Variants in IL1RAP observed in about 807,000 individuals in gnomAD.
The protein encoded by IL1RAP is interleukin 1 receptor accessory protein, also known as interleukin-1 receptor accessory protein.
Under a neutral mutation model 60.7 loss-of-function variants are expected in IL1RAP, and 35 were observed. That is an observed-to-expected ratio of 0.58 (90% CI 0.44 to 0.76). The LOEUF is 0.76. Ranked by LOEUF, IL1RAP falls within the 30% of genes least tolerant of loss-of-function variation. The probability of loss-of-function intolerance (pLI) is 0.00; values close to 1 mark genes in which losing one functional copy is unlikely to be tolerated. For missense variants in IL1RAP, 572 were observed against 693.9 expected (o/e 0.82, Z 1.97); for synonymous variants, 268 against 250.9 (o/e 1.07, Z -0.64).
chr3:190,618,294 G>A (rs1731456484), intron 5 of IL1RAP, among the ~76,000 whole-genome samples: 1 of 152,166 alleles, frequency 6.6e-6, no homozygotes. Flanking sequence ...TAAAACGGAG[G>A]TAAAAGCATT....
chr3:190,619,076 A>C (rs915696910), intron 5 of IL1RAP, among the ~76,000 whole-genome samples: 2 of 152,246 alleles, frequency 1.3e-5, no homozygotes, highest in African/African-American at 4.8e-5. Context: ...AAGATGTAAA[A>C]AGCCTTAGAG....
chr3:190,632,609 A>G (rs1732882269), intron 9 of IL1RAP, among the ~76,000 whole-genome samples: 1 of 152,214 alleles, frequency 6.6e-6, no homozygotes, highest in Non-Finnish European at 1.5e-5. Flanking sequence ...CATTTATTGT[A>G]TCAATTTATT....
At chr3:190,605,496 AT>A (rs199684580) in intron 4 of IL1RAP, among the ~76,000 whole-genome samples, 4 of 151,300 alleles carry the variant, frequency 2.6e-5, no homozygotes, top group East Asian at 1.9e-4. Flanking sequence ...CATCCGGGTT[AT>A]TTTTTTTTCT....
chr3:190,537,756 A>G (rs1033135313), intron 1 of IL1RAP, among the ~76,000 whole-genome samples: 2 of 152,158 alleles, frequency 1.3e-5, no homozygotes, highest in African/African-American at 2.4e-5. Flanking sequence ...AAATGTGCCT[A>G]TCTTTTTGGC....
intron 3 of IL1RAP, among the ~76,000 whole-genome samples, chr3:190,600,922 T>C (rs1277704600): frequency 6.6e-6 from 1 of 152,222 alleles, no homozygotes; most frequent in Non-Finnish European, 1.5e-5. Flanking sequence ...TTGGTATCAC[T>C]ATTGTCTTTT....
At chr3:190,584,572 G>C (rs1057343621) in intron 3 of IL1RAP, among the ~76,000 whole-genome samples, 4 of 152,160 alleles carry the variant, frequency 2.6e-5, no homozygotes, top group Non-Finnish European at 5.9e-5. Flanking sequence ...TAGTTTTACA[G>C]TAGTATCTTG....
intron 9 of IL1RAP, among the ~76,000 whole-genome samples, chr3:190,635,961 C>G (rs1464405525): frequency 6.6e-6 from 1 of 152,192 alleles, no homozygotes; most frequent in East Asian, 1.9e-4. Flanking sequence ...GTTCAATTTC[C>G]AGGGTATCTG....
At chr3:190,604,472 G>A (rs1203067511) in intron 4 of IL1RAP, 59 bp downstream of exon 4, 13 of 1,543,436 alleles carry the variant, frequency 8.4e-6, no homozygotes, top group African/African-American at 5.5e-5. Flanking sequence ...GCTCTTTTCC[G>A]GATGATCCGT....
intron 3 of IL1RAP, among the ~76,000 whole-genome samples, chr3:190,584,547 T>C (rs941471826): frequency 6.6e-6 from 1 of 152,268 alleles, no homozygotes; most frequent in African/African-American, 2.4e-5. Flanking sequence ...TTTTTTAAAA[T>C]GCTAACCATT....
chr3:190,620,990 G>A (rs971817367), intron 6 of IL1RAP, among the ~76,000 whole-genome samples: 4 of 152,120 alleles, frequency 2.6e-5, no homozygotes, highest in Non-Finnish European at 5.9e-5. Context: ...AAGAGAATAG[G>A]GGGTGAGAAA....
intron 9 of IL1RAP, among the ~76,000 whole-genome samples, chr3:190,631,595 A>G (rs902724721): frequency 6.6e-6 from 1 of 152,204 alleles, no homozygotes; most frequent in Non-Finnish European, 1.5e-5. Flanking sequence ...TCACATTCAT[A>G]CATTACATGT....
At chr3:190,522,926 T>A (rs1398015922) in intron 1 of IL1RAP, among the ~76,000 whole-genome samples, 1 of 152,098 alleles carries the variant, frequency 6.6e-6, no homozygotes, top group East Asian at 1.9e-4. Flanking sequence ...TGAATTTGGA[T>A]TCAAATTCTG....
intron 3 of IL1RAP, among the ~76,000 whole-genome samples, chr3:190,589,383 A>G (rs3773965): frequency 0.016 from 2,375 of 151,856 alleles, 56 homozygotes; most frequent in South Asian, 0.064. Flanking sequence ...GCTTCACCCA[A>G]TTTTCTCTCA....
intron 7 of IL1RAP, among the ~76,000 whole-genome samples, chr3:190,625,692 G>C (rs540365198): frequency 6.6e-6 from 1 of 152,138 alleles, no homozygotes; most frequent in African/African-American, 2.4e-5. Flanking sequence ...GGAGAACAAT[G>C]CCAAAAAAAA....
At chr3:190,537,816 C>G (rs535583676) in intron 1 of IL1RAP, among the ~76,000 whole-genome samples, 1 of 152,070 alleles carries the variant, frequency 6.6e-6, no homozygotes, top group South Asian at 2.1e-4. Flanking sequence ...CTACATAAGA[C>G]GTATACGATT....
chr3:190,609,128 A>G lies in IL1RAP; in HGVS notation c.484A>G (p.Asn162Asp). Residue 162 changes from asparagine to aspartate, a missense_variant, in exon 5 of 12, where the codon AAT becomes GAT. Asn to Asp is a conservative substitution (Grantham distance 23, BLOSUM62 1). Transcript: ENST00000447382. Reference protein sequence around the residue: ...EYGIQRITCPNVDGYFPSSVK... With the variant: ...EYGIQRITCPDVDGYFPSSVK... Reference sequence around the variant, plus strand: ...TGGCATTCAGAGGATCACTTGTCCAAATGTAGATGGATATTTTCCTTCCAG... The same window carrying G: ...TGGCATTCAGAGGATCACTTGTCCAGATGTAGATGGATATTTTCCTTCCAG... The G allele has an allele frequency of 6.2e-7, 1 of 1,612,958 alleles. No individual in the cohort carries two copies. Among genetic ancestry groups the G allele is most frequent in the Non-Finnish European group, 8.5e-7 (1 of 1,179,378 alleles).
chr3:190,524,589 C>T (rs930776579), intron 1 of IL1RAP, among the ~76,000 whole-genome samples: 1 of 152,106 alleles, frequency 6.6e-6, no homozygotes, highest in Admixed American at 6.6e-5. Flanking sequence ...AATAGGAAAT[C>T]CTTTCCTCAT....
chr3:190,587,589 G>T (rs1410151964), intron 3 of IL1RAP, among the ~76,000 whole-genome samples: 1 of 152,218 alleles, frequency 6.6e-6, no homozygotes, highest in Non-Finnish European at 1.5e-5. Flanking sequence ...CTATGAGGAA[G>T]TTTAAAGTGA....
intron 5 of IL1RAP, among the ~76,000 whole-genome samples, chr3:190,611,876 T>C (rs1456481970): frequency 6.6e-6 from 1 of 152,132 alleles, no homozygotes; most frequent in Non-Finnish European, 1.5e-5. Context: ...GAGACTGATT[T>C]AAGAGATTTA....
Sources: allele counts gnomAD v4.1 joint callset (sites outside exome capture counted in the v4.1 genomes callset), GRCh38; gene constraint gnomAD v4.1.1; transcripts MANE v1.5; gene names NCBI Gene and HGNC (gene_info 2026-07-23, HGNC 2026-07-21).